The following PDCD2L variants were observed in gnomAD, a reference collection of about 807,000 sequenced individuals.
PDCD2L encodes uS5 assembly chaperone PDCD2L.
A neutral mutation model predicts 40.4 loss-of-function variants in PDCD2L; 44 were observed. The observed-to-expected ratio is 1.09, with a 90% CI of 0.86 to 1.40. PDCD2L has a LOEUF of 1.40. Ranked by LOEUF, PDCD2L falls within the 40% of genes most tolerant of loss-of-function variation. The pLI, the probability that PDCD2L is intolerant of heterozygous loss-of-function variation, is 0.00. For missense variants in PDCD2L, 470 were observed against 453.7 expected, an observed-to-expected ratio of 1.04 and a Z score of -0.33; for synonymous variants, 194 against 174.6, an observed-to-expected ratio of 1.11 and a Z score of -0.88.
At chr19:34,405,012 T>C (rs369069851) in intron 3 of PDCD2L, 22 bp downstream of exon 3, 22 of 1,613,580 alleles carry the variant, frequency 1.4e-5, no homozygotes, top group Non-Finnish European at 1.9e-5. Context: ...GATTGGCATG[T>C]TATTGTTTTT....
chr19:34,412,494 G>A (rs1261785116), intron 4 of PDCD2L, among the ~76,000 whole-genome samples: 4 of 151,946 alleles, frequency 2.6e-5, no homozygotes, highest in African/African-American at 4.8e-5. Context: ...GGCCGAGATG[G>A]ATCACTTGAG....
At chr19:34,416,973 G>C (rs1405509529) in intron 5 of PDCD2L, among the ~76,000 whole-genome samples, 2 of 152,078 alleles carry the variant, frequency 1.3e-5, no homozygotes, top group African/African-American at 2.4e-5. Flanking sequence ...AATTAGCCGG[G>C]CGTGGTGGTG....
intron 5 of PDCD2L, among the ~76,000 whole-genome samples, 155 bp downstream of exon 5, chr19:34,414,002 A>G (rs373900535): frequency 2.6e-5 from 4 of 152,116 alleles, no homozygotes; most frequent in East Asian, 1.9e-4. Context: ...CCTAATACCT[A>G]CTTTATAGGA....
intron 6 of PDCD2L, among the ~76,000 whole-genome samples, chr19:34,423,781 C>T (rs897232258): frequency 5.1e-4 from 77 of 151,948 alleles, no homozygotes; most frequent in African/African-American, 1.7e-3. Context: ...TGAGCCACCG[C>T]GCCTGGCCAG....
intron 4 of PDCD2L, among the ~76,000 whole-genome samples, chr19:34,410,034 G>A (rs937994588): frequency 2.0e-5 from 3 of 152,140 alleles, no homozygotes; most frequent in East Asian, 3.9e-4. Flanking sequence ...AGAGTTAAGC[G>A]AGAGGGTAGA....
At position 34,417,045 on chromosome 19, in the gene PDCD2L, T is replaced by A. The variant is rs531899182; in HGVS notation, c.797+3198T>A. 2.3e-4 allele frequency among the ~76,000 whole-genome samples: 35 copies of A among 150,988 alleles called. 2 individuals are homozygous for A. The South Asian group carries it at 7.1e-3, about 31-fold the overall frequency. ...AGGAGAATCGCTTGAACCTGGGAGG[T>A]GGAGGTTGCAATCAGCCGAGATCGT... On this transcript the variant is annotated intron_variant, in intron 5 of 6. Transcript: ENST00000246535.
chr19:34,415,788 A>G (rs1369092803), intron 5 of PDCD2L, among the ~76,000 whole-genome samples: 1 of 152,208 alleles, frequency 6.6e-6, no homozygotes, highest in Non-Finnish European at 1.5e-5. Context: ...TGTTTAACAT[A>G]TATATTTATT....
chr19:34,415,282 T>G (rs961745820), intron 5 of PDCD2L, among the ~76,000 whole-genome samples: 3 of 151,906 alleles, frequency 2.0e-5, no homozygotes, highest in East Asian at 1.9e-4. Context: ...CCTGACTACT[T>G]TTTGTATTTT....
intron 4 of PDCD2L, among the ~76,000 whole-genome samples, chr19:34,411,280 C>T (rs372753986): frequency 2.3e-5 from 3 of 133,226 alleles, no homozygotes; most frequent in African/African-American, 8.6e-5. Flanking sequence ...TGCTCTGTTG[C>T]CCAGGTTGGA....
chr19:34,404,618 C>T (rs760862094), intron 1 of PDCD2L, 31 bp from the exon 2 acceptor site: 4 of 1,602,748 alleles, frequency 2.5e-6, no homozygotes, highest in African/African-American at 1.3e-5. Context: ...TGGGGGGAGT[C>T]GGGGTCTGAG....
Position 34,421,510 on chromosome 19 carries a change from T to C in PDCD2L, c.798-9T>C, listed in dbSNP as rs1365138453. On this transcript the variant is annotated splice_polypyrimidine_tract_variant and intron_variant, in intron 5 of 6. Coordinates refer to ENST00000246535, the MANE Select transcript of PDCD2L (RefSeq NM_032346.2). ...CTCTGATTCGGGGTTCTTTGTTTCC[T>C]TGTCCTAGGTATTCCTGGAGTGGAG... The C allele has an allele frequency of 6.2e-7, 1 of 1,613,590 alleles. No homozygotes were observed. Among genetic ancestry groups the C allele is most frequent in the South Asian group, 1.1e-5 (1 of 90,990 alleles).
At chr19:34,417,477 G>A (rs1409679425) in intron 5 of PDCD2L, among the ~76,000 whole-genome samples, 6 of 152,032 alleles carry the variant, frequency 3.9e-5, no homozygotes, top group African/African-American at 7.2e-5. Flanking sequence ...GTGTGGTGGC[G>A]GGTGCCTGTA....
At chr19:34,423,435 C>T (rs926718698) in intron 6 of PDCD2L, among the ~76,000 whole-genome samples, 3 of 151,300 alleles carry the variant, frequency 2.0e-5, no homozygotes, top group African/African-American at 4.9e-5. Context: ...CGACCTGCCT[C>T]GGCATCCCAA....
At position 34,404,414 on chromosome 19, in the gene PDCD2L, C is replaced by G. The variant is rs1423938162; in HGVS notation, c.-17C>G. The G allele has an allele frequency of 6.5e-6, 10 of 1,538,810 alleles. No individual in the cohort carries two copies. The highest frequency in any genetic ancestry group is 2.0e-5 in the Admixed American group (1 of 49,092). On this transcript the variant is annotated 5_prime_UTR_variant, in exon 1 of 7. Coordinates refer to ENST00000246535, the MANE Select transcript of PDCD2L (RefSeq NM_032346.2). ...AGGCCGCCGTAGTTTGCGTTTTCAC[C>G]TGGTCGCCCGGCGGCCATGGCGGCC...
At chr19:34,413,639 A>G in intron 4 of PDCD2L, 98 bp from the exon 5 acceptor site, 1 of 754,594 alleles carries the variant, frequency 1.3e-6, no homozygotes, top group Non-Finnish European at 2.1e-6. Flanking sequence ...GCCTGCCCTG[A>G]TAAAATTTTT....
intron 5 of PDCD2L, among the ~76,000 whole-genome samples, chr19:34,416,987 G>A (rs2075129106): frequency 6.6e-6 from 1 of 152,088 alleles, no homozygotes; most frequent in African/African-American, 2.4e-5. Flanking sequence ...GGTGGTGGGT[G>A]CCTATAGTCC....
At chr19:34,421,319 A>C (rs62123391) in intron 5 of PDCD2L, 200 bp from the exon 6 acceptor site, 1 of 616,036 alleles carries the variant, frequency 1.6e-6, no homozygotes, top group Non-Finnish European at 2.8e-6. Flanking sequence ...TTGAACATTG[A>C]CTTTAGTGCC....
chr19:34,412,288 G>T (rs1012463532), intron 4 of PDCD2L, among the ~76,000 whole-genome samples: 3 of 152,042 alleles, frequency 2.0e-5, no homozygotes, highest in Non-Finnish European at 4.4e-5. Flanking sequence ...AAAGTGTTGA[G>T]ATTACAGGTG....
intron 5 of PDCD2L, among the ~76,000 whole-genome samples, chr19:34,416,553 C>G (rs989172171): frequency 6.6e-6 from 1 of 152,186 alleles, no homozygotes; most frequent in African/African-American, 2.4e-5. Flanking sequence ...TATCTCCTCA[C>G]CCCAGTTTCC....
Sources: allele counts gnomAD v4.1 joint callset (sites outside exome capture counted in the v4.1 genomes callset), GRCh38; gene constraint gnomAD v4.1.1; transcripts MANE v1.5; gene names NCBI Gene and HGNC (gene_info 2026-07-23, HGNC 2026-07-21).